Variants in CDC73 observed in about 807,000 individuals in gnomAD.
CDC73 encodes cell division cycle 73.
Under a neutral mutation model 83.7 loss-of-function variants are expected in CDC73, and 21 were observed. The observed-to-expected ratio is 0.25, with a 90% confidence interval of 0.18 to 0.36. The LOEUF (loss-of-function observed/expected upper bound fraction) is 0.36. Among genes scored for constraint, CDC73 ranks in the 10% least tolerant of loss-of-function variants. The pLI is 1.00. For synonymous variants in CDC73, 224 were observed against 212.9 expected (o/e 1.05, Z -0.45); for missense variants, 342 against 653.3 (o/e 0.52, Z 5.19).
chr1:193,240,866 T>C (rs552976214), intron 15 of CDC73, among the ~76,000 whole-genome samples: 1 of 152,352 alleles, frequency 6.6e-6, no homozygotes, highest in Non-Finnish European at 1.5e-5. Context: ...TTTTGTTGCC[T>C]GTGCTTTTGA....
At chr1:193,189,078 C>G (rs751620807) in intron 10 of CDC73, among the ~76,000 whole-genome samples, 1 of 151,762 alleles carries the variant, frequency 6.6e-6, no homozygotes, top group Non-Finnish European at 1.5e-5. Context: ...TTCAGCCTGC[C>G]GAGTACCTGG....
chr1:193,190,068 T>C (rs1243544312), intron 10 of CDC73, among the ~76,000 whole-genome samples: 1 of 152,202 alleles, frequency 6.6e-6, no homozygotes, highest in African/African-American at 2.4e-5. Flanking sequence ...GTTTGTGCTT[T>C]ATTATGAGTG....
At chr1:193,174,928 G>A (rs1676577104) in intron 10 of CDC73, among the ~76,000 whole-genome samples, 1 of 152,194 alleles carries the variant, frequency 6.6e-6, no homozygotes, top group Non-Finnish European at 1.5e-5. Context: ...AACGAAAAGA[G>A]TGAGACTGTT....
At chr1:193,213,544 G>T (rs1248840213) in intron 13 of CDC73, among the ~76,000 whole-genome samples, 1 of 152,154 alleles carries the variant, frequency 6.6e-6, no homozygotes, top group Non-Finnish European at 1.5e-5. Flanking sequence ...TCTTTCAGAG[G>T]ATAAGAGAGA....
intron 2 of CDC73, among the ~76,000 whole-genome samples, chr1:193,126,745 A>T (rs1007644209): frequency 6.6e-6 from 1 of 152,208 alleles, no homozygotes; most frequent in East Asian, 1.9e-4. Context: ...CATTTCTTAT[A>T]GTTCTTAAAA....
chr1:193,130,218 A>T lies in CDC73; in HGVS notation c.282A>T (p.Leu94=), dbSNP rs932737851. 6.2e-7 allele frequency: 1 copy of T among 1,604,908 alleles called. No individual in the cohort carries two copies. Among genetic ancestry groups the T allele is most frequent in the Non-Finnish European group, 8.5e-7 (1 of 1,171,946 alleles). Residue 94 remains leucine, a synonymous_variant, in exon 3 of 17, where the codon CTA becomes CTT. Transcript: ENST00000367435. ...TTAGAAGACCTGATCGAAAAGATCT[A>T]CTTGGATATCTCAATGGTGAAGCGT... ...PVVRRPDRKD[L]LGYLNGEAST...
chr1:193,150,319 A>G lies in CDC73; in HGVS notation c.844A>G (p.Thr282Ala), dbSNP rs201236330. 1.2e-5 allele frequency: 19 copies of G among 1,612,020 alleles called. No individual in the cohort carries two copies. The highest frequency in any genetic ancestry group is 6.7e-5 in the Admixed American group (4 of 60,010). The change falls in exon 9 of 17, where the codon ACC becomes GCC. Residue 282 changes from threonine (T) to alanine (A), a missense_variant. Around this residue, in one of 3 missense-constraint regions of CDC73, gnomAD observed 239 missense variants for 420.6 expected, o/e 0.57. Transcript: ENST00000367435. ...TTTTTTACAGGATCCCACTTTGCGC[A>G]CCAAACAGCCTATCCCAGCTGCCTA... is the stretch of plus-strand genomic sequence containing the variant. Reference protein sequence around the residue: ...NAAPVDPTLRTKQPIPAAYNR... With the variant: ...NAAPVDPTLRAKQPIPAAYNR...
chr1:193,162,779 T>C (rs183847089), intron 10 of CDC73, among the ~76,000 whole-genome samples: 1 of 152,230 alleles, frequency 6.6e-6, no homozygotes, highest in East Asian at 1.9e-4. Flanking sequence ...CCAAATTTGG[T>C]ATTTTTGGAG....
At chr1:193,149,205 C>G (rs1676062391) in intron 8 of CDC73, among the ~76,000 whole-genome samples, 1 of 152,122 alleles carries the variant, frequency 6.6e-6, no homozygotes, top group Admixed American at 6.6e-5. Context: ...TCTAATACAG[C>G]AGTCCCCAAC....
At chr1:193,181,719 T>G (rs763228772) in intron 10 of CDC73, 5 of 666,506 alleles carry the variant, frequency 7.5e-6, no homozygotes, top group Non-Finnish European at 1.2e-5. Context: ...CAGAACTGCC[T>G]GAAAGGGACT....
chr1:193,205,659 A>T lies in CDC73; in HGVS notation c.1030+1807A>T, dbSNP rs79997933. 2.2e-4 allele frequency among the ~76,000 whole-genome samples: 33 copies of T among 152,306 alleles called. No individual in the cohort carries two copies. The East Asian group carries it at 5.0e-3, about 23-fold the overall frequency. ...GATTGGATGTAGTTAAGATGACATG[A>T]CTAATTTTCAGTAGGGATGATCATA... On this transcript the variant is annotated intron_variant, in intron 11 of 16. Coordinates refer to ENST00000367435, the MANE Select transcript of CDC73 (RefSeq NM_024529.5).
At chr1:193,185,402 T>C (rs1348335724) in intron 10 of CDC73, among the ~76,000 whole-genome samples, 3 of 152,124 alleles carry the variant, frequency 2.0e-5, no homozygotes, top group African/African-American at 7.2e-5. Context: ...TGTGATCTTA[T>C]GTTAATGCTT....
intron 13 of CDC73, among the ~76,000 whole-genome samples, chr1:193,222,778 T>A (rs1677495161): frequency 7.0e-6 from 1 of 143,148 alleles, no homozygotes; most frequent in Non-Finnish European, 1.5e-5. Context: ...TTTTTGCATA[T>A]GTTCTGTTCC....
chr1:193,190,533 A>G (rs577947931), intron 10 of CDC73, among the ~76,000 whole-genome samples: 8 of 152,320 alleles, frequency 5.3e-5, no homozygotes, highest in African/African-American at 1.9e-4. Context: ...CAAATAAGCA[A>G]TCTCAGAATG....
At chr1:193,176,208 G>T (rs1676599463) in intron 10 of CDC73, among the ~76,000 whole-genome samples, 1 of 152,162 alleles carries the variant, frequency 6.6e-6, no homozygotes, top group South Asian at 2.1e-4. Flanking sequence ...TTGGGGCTGT[G>T]TTGGCCCTCC....
At chr1:193,127,289 ATGTGTGTGTGTGTG>A (rs34948918) in intron 2 of CDC73, among the ~76,000 whole-genome samples, 1 of 143,186 alleles carries the variant, frequency 7.0e-6, no homozygotes, top group African/African-American at 2.6e-5. Context: ...AAAAAAAAAA[ATGTGTGTGTGTGTG>A]TGTGTGTGTG....
At chr1:193,215,592 G>GTTTTT (rs780470013) in intron 13 of CDC73, among the ~76,000 whole-genome samples, 3 of 141,420 alleles carry the variant, frequency 2.1e-5, no homozygotes, top group African/African-American at 7.8e-5. Context: ...ATTAACACAG[G>GTTTTT]TTTTTTTTTT....
intron 10 of CDC73, among the ~76,000 whole-genome samples, chr1:193,194,659 AT>A: frequency 6.6e-6 from 1 of 152,144 alleles, no homozygotes; most frequent in Non-Finnish European, 1.5e-5. Context: ...CATTATAGAC[AT>A]GCTTGGATTT....
intron 11 of CDC73, among the ~76,000 whole-genome samples, chr1:193,210,024 CAT>C (rs1677250338): frequency 6.6e-6 from 1 of 152,138 alleles, no homozygotes; most frequent in African/African-American, 2.4e-5. Context: ...TTATATTCCA[CAT>C]GACACTATGT....
Sources: gnomAD v4.1 joint callset for allele counts (sites outside exome capture counted in the v4.1 genomes callset) on GRCh38, gnomAD v4.1.1 for gene constraint, gnomAD v4.1.1 regional missense constraint, MANE v1.5 for transcripts, NCBI Gene and HGNC (gene_info 2026-07-23, HGNC 2026-07-21) for gene names.